KIRREL3: variants seen among roughly 807,000 people sequenced by gnomAD.
The protein encoded by KIRREL3 is kirre like nephrin family adhesion molecule 3.
A neutral mutation model predicts 89.7 loss-of-function variants in KIRREL3; 36 were observed. The observed-to-expected ratio is 0.40, with a 90% CI of 0.31 to 0.53. KIRREL3 has a LOEUF of 0.53. KIRREL3 is among the 20% of genes least tolerant of loss of function. The pLI is 0.49. For missense variants in KIRREL3, 864 were observed against 1,056.6 expected (o/e 0.82, Z 2.53); for synonymous variants, 445 against 441.4 (o/e 1.01, Z -0.10).
rs1358702303 is a variant in KIRREL3, at chr11:126,900,463, C to T, written c.55+99992G>A. 1.3e-5 allele frequency among the ~76,000 whole-genome samples: 2 copies of T among 152,172 alleles called. No homozygotes were observed. Among genetic ancestry groups the T allele is most frequent in the Non-Finnish European group, 1.5e-5 (1 of 68,028 alleles). ...AGGAATGCATATTCCTTCTCCAATT[C>T]CCTTTCCTTCTGCAAAGAGTTAAAC... On this transcript the variant is annotated intron_variant, in intron 1 of 16. Coordinates refer to ENST00000525144, the MANE Select transcript of KIRREL3 (RefSeq NM_032531.4). This position sits in a 1 kb window ranked among gnomAD's most constrained non-coding sequence, Gnocchi z 4.4.
rs570744125 is a variant in KIRREL3 at position 126,782,891 on chromosome 11, A to G, written c.55+217564T>C. On this transcript the variant is annotated intron_variant, in intron 1 of 16. Transcript: ENST00000525144. The surrounding 1 kb of genome is among the most constrained non-coding windows in gnomAD (Gnocchi z 4.1). ...TAGCAACAAGCACACCTAACAATCCAGAGTTTGGTTTCTGATACCACTCTG... is the reference window on the plus strand; with the variant it reads ...TAGCAACAAGCACACCTAACAATCCGGAGTTTGGTTTCTGATACCACTCTG... Among the ~76,000 whole-genome samples the G allele has an allele frequency of 1.3e-5, 2 of 152,360 alleles. No homozygotes were observed. Among genetic ancestry groups the G allele is most frequent in the South Asian group, 4.1e-4 (2 of 4,830 alleles).
intron 1 of KIRREL3, among the ~76,000 whole-genome samples, chr11:126,827,232 C>T (rs1943448597): frequency 3.3e-5 from 5 of 151,660 alleles, no homozygotes; most frequent in Admixed American, 3.3e-4. Context: ...GGCTGGAGTG[C>T]AGTGGCACGA....
At position 126,687,130 on chromosome 11, in the gene KIRREL3, C is replaced by T. The variant is rs976155577; in HGVS notation, c.56-124218G>A. Among the ~76,000 whole-genome samples the T allele has an allele frequency of 2.0e-5, 3 of 152,122 alleles. No individual in the cohort carries two copies. The highest frequency in any genetic ancestry group is 7.2e-5 in the African/African-American group (3 of 41,430). On this transcript the variant is annotated intron_variant, in intron 1 of 16. Transcript: ENST00000525144. The surrounding 1 kb of genome is among the most constrained non-coding windows in gnomAD (Gnocchi z 4.6). Reference sequence around the variant, plus strand: ...GAAGGCTCAAGTTCATGAATGGGTGCATCAAAGAACCACACCCCAGAAATA... The same window carrying T: ...GAAGGCTCAAGTTCATGAATGGGTGTATCAAAGAACCACACCCCAGAAATA...
At chr11:126,450,005 G>C (rs1267144359) in intron 7 of KIRREL3, among the ~76,000 whole-genome samples, 1 of 152,212 alleles carries the variant, frequency 6.6e-6, no homozygotes, top group East Asian at 1.9e-4. Context: ...TCGGCCAATC[G>C]GTACCACACA....
intron 1 of KIRREL3, among the ~76,000 whole-genome samples, chr11:126,629,530 G>A (rs1014412684): frequency 6.6e-6 from 1 of 152,176 alleles, no homozygotes; most frequent in African/African-American, 2.4e-5. Flanking sequence ...CTCTAGGGGT[G>A]GAGGGACCGT....
At chr11:126,546,258 G>C (rs559857739) in intron 2 of KIRREL3, among the ~76,000 whole-genome samples, 2 of 152,328 alleles carry the variant, frequency 1.3e-5, no homozygotes, top group Admixed American at 6.5e-5. Context: ...AATTGTTCAG[G>C]GTTGATCTTC....
chr11:126,865,080 T>A (rs141322374), intron 1 of KIRREL3, among the ~76,000 whole-genome samples: 116 of 152,316 alleles, frequency 7.6e-4, no homozygotes, highest in African/African-American at 2.8e-3. Context: ...CCTCCAGGAA[T>A]CAAGGCGCCT....
Position 126,529,277 on chromosome 11 carries a change from T to G in KIRREL3, c.134-2590A>C, listed in dbSNP as rs552261712. 2.6e-5 allele frequency among the ~76,000 whole-genome samples: 4 copies of G among 152,144 alleles called. No homozygotes were observed. The East Asian group carries it at 7.8e-4, about 29-fold the overall frequency. On this transcript the variant is annotated intron_variant, in intron 2 of 16. Transcript: ENST00000525144. ...CAGGGAGAGGAGGGGGCTATCACCA[T>G]GGAAACCAGGCTCTGGAGGAAGGCA...
chr11:126,903,592 C>T lies in KIRREL3; in HGVS notation c.55+96863G>A, dbSNP rs563944711. Among the ~76,000 whole-genome samples, 9 of 152,308 alleles carry T rather than the reference C, an allele frequency of 5.9e-5. No individual in the cohort carries two copies. The South Asian group carries it at 1.7e-3, about 28-fold the overall frequency. On this transcript the variant is annotated intron_variant, in intron 1 of 16. Transcript: ENST00000525144. This position sits in a 1 kb window ranked among gnomAD's most constrained non-coding sequence, Gnocchi z 4.5. ...GCTGAGTTTATTACTACCCATAACC[C>T]TGGCCTAAGTGGAAACAAAAAAGCT... is the stretch of plus-strand genomic sequence containing the variant.
At chr11:126,793,444 A>G (rs1192977977) in intron 1 of KIRREL3, among the ~76,000 whole-genome samples, 1 of 152,184 alleles carries the variant, frequency 6.6e-6, no homozygotes, top group East Asian at 1.9e-4. Flanking sequence ...AGGTCCAAGG[A>G]GTTAGCCAGA....
chr11:126,901,409 G>A (rs1802895262), intron 1 of KIRREL3, among the ~76,000 whole-genome samples: 1 of 152,150 alleles, frequency 6.6e-6, no homozygotes, highest in African/African-American at 2.4e-5. Context: ...GGGTTTCTTG[G>A]AGAGGAGATA....
At chr11:126,825,311 T>G (rs185278005) in intron 1 of KIRREL3, among the ~76,000 whole-genome samples, 54 of 152,304 alleles carry the variant, frequency 3.5e-4, no homozygotes, top group African/African-American at 1.3e-3. Flanking sequence ...CTTCTCAGAA[T>G]AATGTTTTAA....
chr11:126,481,005 G>A (rs1957203961), intron 4 of KIRREL3, among the ~76,000 whole-genome samples: 1 of 152,296 alleles, frequency 6.6e-6, no homozygotes, highest in South Asian at 2.1e-4. Context: ...AGTGGTAGCC[G>A]AACAATGTTT....
chr11:126,900,470 C>G lies in KIRREL3; in HGVS notation c.55+99985G>C, dbSNP rs1229889635. Among the ~76,000 whole-genome samples the G allele has an allele frequency of 2.0e-5, 3 of 152,152 alleles. No homozygotes were observed. Among genetic ancestry groups the G allele is most frequent in the Non-Finnish European group, 2.9e-5 (2 of 68,028 alleles). On this transcript the variant is annotated intron_variant, in intron 1 of 16. Transcript: ENST00000525144. The surrounding 1 kb of genome is among the most constrained non-coding windows in gnomAD (Gnocchi z 4.4). ...CATATTCCTTCTCCAATTCCCTTTC[C>G]TTCTGCAAAGAGTTAAACAAAAAAG...
rs1398564217 is a variant in KIRREL3, at chr11:126,682,093, T to G, written c.56-119181A>C. On this transcript the variant is annotated intron_variant, in intron 1 of 16. Transcript: ENST00000525144. This position sits in a 1 kb window ranked among gnomAD's most constrained non-coding sequence, Gnocchi z 4.8. ...TTGATGCAAAGCAATAAAATATTCCTCCCTCCTGTGACCACCGAAAAGGTC... is the reference window on the plus strand; with the variant it reads ...TTGATGCAAAGCAATAAAATATTCCGCCCTCCTGTGACCACCGAAAAGGTC... 1 of 341,332 alleles carries G rather than the reference T, an allele frequency of 2.9e-6. No homozygotes were observed. The highest frequency in any genetic ancestry group is 5.8e-6 in the Non-Finnish European group (1 of 173,410). The allele number at this position is 341,332 out of a possible 1,614,324, so 21.1% of individuals were successfully genotyped here.
chr11:126,759,078 A>G (rs1184873909), intron 1 of KIRREL3, among the ~76,000 whole-genome samples: 2 of 152,186 alleles, frequency 1.3e-5, no homozygotes, highest in Non-Finnish European at 2.9e-5. Context: ...GCATACAGGA[A>G]GAAACTATTT....
intron 11 of KIRREL3, among the ~76,000 whole-genome samples, chr11:126,437,410 TCAC>T (rs1283452225): frequency 6.6e-6 from 1 of 151,516 alleles, no homozygotes; most frequent in Non-Finnish European, 1.5e-5. Flanking sequence ...AACACACACA[TCAC>T]CACGTACACA....
At chr11:126,466,967 G>A (rs1379774927) in intron 5 of KIRREL3, among the ~76,000 whole-genome samples, 1 of 152,248 alleles carries the variant, frequency 6.6e-6, no homozygotes, top group Non-Finnish European at 1.5e-5. Context: ...GGCTCGCCCA[G>A]GTTGCCCATG....
chr11:126,524,687 T>G (rs1044421923), intron 3 of KIRREL3, among the ~76,000 whole-genome samples: 1 of 152,104 alleles, frequency 6.6e-6, no homozygotes, highest in Non-Finnish European at 1.5e-5. Flanking sequence ...TTCTGGGAGA[T>G]TCGGGGGGGC....
Sources: gnomAD v4.1 joint callset for allele counts (sites outside exome capture counted in the v4.1 genomes callset) on GRCh38, gnomAD v4.1.1 for gene constraint, Gnocchi (gnomAD v3.1) non-coding constraint, MANE v1.5 for transcripts, NCBI Gene and HGNC (gene_info 2026-07-23, HGNC 2026-07-21) for gene names.